XYLB: variants seen among roughly 807,000 people sequenced by gnomAD.
The protein encoded by XYLB is xylulokinase, also known as xylulose kinase.
XYLB carries 62 observed loss-of-function variants against 78.7 expected under a neutral mutation model. The ratio of observed to expected loss-of-function variants is 0.79; its 90% CI spans 0.64 to 0.97. The LOEUF (loss-of-function observed/expected upper bound fraction) is 0.97. Among genes scored for constraint, XYLB ranks in the 50% least tolerant of loss-of-function variants. The pLI is 0.00. For missense variants in XYLB, 687 were observed against 676.8 expected, an observed-to-expected ratio of 1.02 and a Z score of -0.17; for synonymous variants, 245 against 247.4, an observed-to-expected ratio of 0.99 and a Z score of 0.09.
At chr3:38,428,332 G>A in the XYLB span, among the ~76,000 whole-genome samples, 7 of 152,170 alleles carry the variant, frequency 4.6e-5, no homozygotes, top group African/African-American at 7.2e-5. Context: ...CAATAAGGTC[G>A]AATTAGATTG....
At chr3:38,428,115 G>A in the XYLB span, among the ~76,000 whole-genome samples, 2 of 152,056 alleles carry the variant, frequency 1.3e-5, no homozygotes, top group Non-Finnish European at 2.9e-5. Flanking sequence ...CAAATATTAG[G>A]GGATTTTCCA....
At chr3:38,426,477 C>T in the XYLB span, among the ~76,000 whole-genome samples, 3 of 152,214 alleles carry the variant, frequency 2.0e-5, no homozygotes, top group Admixed American at 6.5e-5. Flanking sequence ...TTCTCTGGCA[C>T]ATCTGACACT....
downstream of XYLB, among the ~76,000 whole-genome samples, chr3:38,424,713 T>C (rs1709066720): frequency 6.6e-6 from 1 of 152,240 alleles, no homozygotes. Flanking sequence ...TGATTCTTCA[T>C]ACGTGGTTCA....
At chr3:38,398,088 G>A (rs1044200452) in intron 17 of XYLB, among the ~76,000 whole-genome samples, 22 of 151,598 alleles carry the variant, frequency 1.5e-4, no homozygotes, top group East Asian at 6.0e-4. Context: ...AAAGTACTGG[G>A]ATTACAGGCG....
At chr3:38,375,509 C>T (rs957298631) in intron 12 of XYLB, among the ~76,000 whole-genome samples, 1 of 152,198 alleles carries the variant, frequency 6.6e-6, no homozygotes, top group Admixed American at 6.5e-5. Context: ...CAGCTATATC[C>T]TGTGTGACCT....
In XYLB at chr3:38,365,609, A is replaced by G. The variant is rs1706211508; in HGVS notation, c.380A>G (p.Asp127Gly). 4 of 1,611,116 alleles carry G rather than the reference A, an allele frequency of 2.5e-6. No individual in the cohort carries two copies. The African/African-American group carries it at 4.0e-5, about 16-fold the overall frequency. The change falls in exon 6 of 19, where the codon GAC (aspartate) becomes GGC (glycine). Residue 127 changes from aspartate to glycine, a missense_variant and splice_region_variant. Transcript: ENST00000207870. ...PDLRLHQQLQDCFSISDCPVW... is the reference protein window; with the variant it reads ...PDLRLHQQLQGCFSISDCPVW... ...CTGTGCCTTTGCCCTCCTTCCCAGG[A>G]CTGTTTCTCCATCAGCGACTGCCCG... is the stretch of plus-strand genomic sequence containing the variant.
chr3:38,347,294 T>G (rs747123755), intron 1 of XYLB, among the ~76,000 whole-genome samples: 6 of 152,234 alleles, frequency 3.9e-5, no homozygotes, highest in African/African-American at 1.4e-4. Flanking sequence ...AGTCAGCTAC[T>G]GTAAGGCAGG....
At chr3:38,417,615 C>A (rs1290828702), downstream of XYLB, among the ~76,000 whole-genome samples, 1 of 152,122 alleles carries the variant, frequency 6.6e-6, no homozygotes, top group African/African-American at 2.4e-5. Context: ...GGCATAGTAG[C>A]TCATGCCTGT....
chr3:38,348,697 T>C, intron 2 of XYLB, 65 bp downstream of exon 2: 2 of 1,473,962 alleles, frequency 1.4e-6, no homozygotes, highest in South Asian at 2.3e-5. Flanking sequence ...CCGCAAACTT[T>C]TGTATTCGCA....
chr3:38,445,176 T>C, the XYLB span, among the ~76,000 whole-genome samples: 96 of 152,172 alleles, frequency 6.3e-4, no homozygotes, highest in African/African-American at 2.2e-3. Context: ...ATCTCCAGGG[T>C]TGGAAGAGTA....
chr3:38,402,521 T>A (rs1213186129), intron 18 of XYLB, among the ~76,000 whole-genome samples: 2 of 152,230 alleles, frequency 1.3e-5, no homozygotes, highest in African/African-American at 4.8e-5. Flanking sequence ...TTCTCTCATG[T>A]TCGAGAGGCC....
intron 3 of XYLB, among the ~76,000 whole-genome samples, chr3:38,362,354 C>T (rs1296504009): frequency 1.3e-5 from 2 of 152,360 alleles, no homozygotes; most frequent in African/African-American, 4.8e-5. Context: ...CCTCCCTCCT[C>T]AGCCTCCTGA....
intron 18 of XYLB, among the ~76,000 whole-genome samples, chr3:38,412,378 C>T (rs1315177040): frequency 3.3e-5 from 5 of 152,178 alleles, no homozygotes; most frequent in African/African-American, 1.2e-4. Flanking sequence ...GCTGTATGGA[C>T]TGCTACATGG....
chr3:38,358,355 G>GTT (rs1705788674), intron 2 of XYLB, among the ~76,000 whole-genome samples: 1 of 94,894 alleles, frequency 1.1e-5, no homozygotes, highest in Non-Finnish European at 2.0e-5. Flanking sequence ...GTGTGTGTGT[G>GTT]TGTTTGAGAC....
At chr3:38,411,662 C>G (rs376575854) in intron 18 of XYLB, among the ~76,000 whole-genome samples, 4 of 147,738 alleles carry the variant, frequency 2.7e-5, no homozygotes, top group Non-Finnish European at 6.0e-5. Context: ...AAAAAAAAAA[C>G]CCTTTCCTAT....
At chr3:38,403,724 G>C (rs1708207821) in intron 18 of XYLB, among the ~76,000 whole-genome samples, 1 of 152,112 alleles carries the variant, frequency 6.6e-6, no homozygotes, top group Non-Finnish European at 1.5e-5. Flanking sequence ...GGCCAGCAAG[G>C]AGGAAGATAA....
chr3:38,397,164 G>A lies in XYLB; in HGVS notation c.1438+5G>A. 6.2e-7 allele frequency: 1 copy of A among 1,613,980 alleles called. No individual in the cohort carries two copies. The highest frequency in any genetic ancestry group is 8.5e-7 in the Non-Finnish European group (1 of 1,179,870). ...CTGCATACCGAGCTTTTCATGGTAG[G>A]TTGATGGAGGGAGACAGCTATCTCT... On this transcript the variant is annotated splice_donor_5th_base_variant and intron_variant, in intron 17 of 18. Coordinates refer to ENST00000207870, the MANE Select transcript of XYLB (RefSeq NM_005108.4).
At chr3:38,368,141 G>A in intron 7 of XYLB, 44 bp from the exon 8 acceptor site, 1 of 1,574,214 alleles carries the variant, frequency 6.4e-7, no homozygotes, top group Admixed American at 1.7e-5. Context: ...GTAGCGTAGG[G>A]TATGTGGAAG....
At chr3:38,405,698 G>C (rs556715186) in intron 18 of XYLB, among the ~76,000 whole-genome samples, 1 of 152,328 alleles carries the variant, frequency 6.6e-6, no homozygotes, top group East Asian at 1.9e-4. Flanking sequence ...GCGCTTTTCC[G>C]ACAGGCTTAA....
Sources: allele counts gnomAD v4.1 joint callset (sites outside exome capture counted in the v4.1 genomes callset), GRCh38; gene constraint gnomAD v4.1.1; transcripts MANE v1.5; gene names NCBI Gene and HGNC (gene_info 2026-07-23, HGNC 2026-07-21).